PDE4B: variants seen among roughly 807,000 people sequenced by gnomAD.
PDE4B encodes 3',5'-cyclic-AMP phosphodiesterase 4B.
In PDE4B, 20 loss-of-function variants were observed where a neutral mutation model predicts 82.2. That is an observed-to-expected ratio of 0.24 (90% CI 0.17 to 0.35). The LOEUF is 0.35. Among genes scored for constraint, PDE4B ranks in the 10% least tolerant of loss-of-function variants. The pLI, the probability that PDE4B is intolerant of heterozygous loss-of-function variation, is 1.00. For synonymous variants in PDE4B, 320 were observed against 318.9 expected (o/e 1.00, Z -0.04); for missense variants, 655 against 907.2 (o/e 0.72, Z 3.57).
At chr1:66,223,044 G>T (rs1651126535) in intron 3 of PDE4B, among the ~76,000 whole-genome samples, 1 of 152,134 alleles carries the variant, frequency 6.6e-6, no homozygotes, top group Non-Finnish European at 1.5e-5. Context: ...TAACTCTAGT[G>T]TATATCCATT....
At chr1:65,795,926 T>C (rs931888171) in intron 1 of PDE4B, among the ~76,000 whole-genome samples, 2 of 152,208 alleles carry the variant, frequency 1.3e-5, no homozygotes, top group Admixed American at 1.3e-4. Flanking sequence ...TTTTAATCCA[T>C]TGGTCTTTTG....
intron 1 of PDE4B, among the ~76,000 whole-genome samples, chr1:65,899,024 A>G (rs1050024372): frequency 6.6e-6 from 1 of 152,174 alleles, no homozygotes; most frequent in African/African-American, 2.4e-5. Context: ...CAGAGTAAAC[A>G]GAAAACCTGC....
intron 3 of PDE4B, among the ~76,000 whole-genome samples, chr1:66,089,176 T>C (rs1644960166): frequency 6.6e-6 from 1 of 152,130 alleles, no homozygotes; most frequent in South Asian, 2.1e-4. Context: ...TCCAGTTTCT[T>C]CATTTTTGGA....
At chr1:65,909,045 G>A (rs1454667593) in intron 1 of PDE4B, among the ~76,000 whole-genome samples, 1 of 152,110 alleles carries the variant, frequency 6.6e-6, no homozygotes, top group Non-Finnish European at 1.5e-5. Context: ...ACAGTTATAC[G>A]ATGGGAGTTA....
intron 16 of PDE4B, among the ~76,000 whole-genome samples, chr1:66,371,678 C>T (rs938358559): frequency 2.6e-5 from 4 of 152,168 alleles, no homozygotes; most frequent in South Asian, 2.1e-4. Context: ...AGTATTTTCA[C>T]GTGTTTCATC....
At chr1:66,223,068 A>G (rs889577213) in intron 3 of PDE4B, among the ~76,000 whole-genome samples, 1 of 152,196 alleles carries the variant, frequency 6.6e-6, no homozygotes. Flanking sequence ...TGTTCACACA[A>G]TGTGTGCCAG....
chr1:65,904,497 A>G (rs1188918964), intron 1 of PDE4B, among the ~76,000 whole-genome samples: 1 of 152,130 alleles, frequency 6.6e-6, no homozygotes, highest in Non-Finnish European at 1.5e-5. Flanking sequence ...GTAGCTGTTC[A>G]TAGGCTCCAT....
intron 3 of PDE4B, among the ~76,000 whole-genome samples, chr1:65,931,722 T>C (rs2100518855): frequency 6.6e-6 from 1 of 152,184 alleles, no homozygotes; most frequent in Non-Finnish European, 1.5e-5. Context: ...CACAGGAAAA[T>C]TCAGGACACC....
intron 3 of PDE4B, among the ~76,000 whole-genome samples, chr1:65,985,076 AGACT>A (rs1650887400): frequency 1.3e-5 from 2 of 152,046 alleles, no homozygotes; most frequent in Admixed American, 1.3e-4. Flanking sequence ...TAAAATAAAC[AGACT>A]ATGTAGTGAA....
chr1:65,949,504 A>T (rs35130999), intron 3 of PDE4B, among the ~76,000 whole-genome samples: 50,727 of 151,694 alleles, frequency 0.33, 8,849 homozygotes, highest in East Asian at 0.46. Context: ...ATTGCAAAAC[A>T]CTCCCTAACA....
chr1:66,096,695 A>G (rs1645127692), intron 3 of PDE4B, among the ~76,000 whole-genome samples: 1 of 151,376 alleles, frequency 6.6e-6, no homozygotes, highest in Admixed American at 6.6e-5. Context: ...TTCAAATTAC[A>G]TATGTGACTG....
chr1:66,315,776 A>C (rs1054803095), intron 7 of PDE4B, among the ~76,000 whole-genome samples: 2 of 152,188 alleles, frequency 1.3e-5, no homozygotes, highest in African/African-American at 4.8e-5. Flanking sequence ...TTCAGTCCTT[A>C]CCATTAGCAA....
chr1:66,011,397 G>T (rs930555455), intron 3 of PDE4B, among the ~76,000 whole-genome samples: 1 of 151,980 alleles, frequency 6.6e-6, no homozygotes, highest in Non-Finnish European at 1.5e-5. Context: ...GAAATGAAAA[G>T]GACACTCATA....
At chr1:66,109,941 G>A (rs562679036) in intron 3 of PDE4B, among the ~76,000 whole-genome samples, 1 of 151,992 alleles carries the variant, frequency 6.6e-6, no homozygotes, top group Non-Finnish European at 1.5e-5. Context: ...AGGTGACTCA[G>A]TTCATTTCTG....
Position 66,305,313 on chromosome 1 carries a change from A to G in PDE4B, c.635-27195A>G, listed in dbSNP as rs1658191444. ...TATCTTTCCCTTCTGTGAAAATCCT[A>G]TTGAATATAGAATGTTGGAGAAGCA... On this transcript the variant is annotated intron_variant, in intron 7 of 16. Coordinates refer to ENST00000341517, the MANE Select transcript of PDE4B (RefSeq NM_002600.4). Among the ~76,000 whole-genome samples the G allele has an allele frequency of 1.3e-5, 2 of 152,154 alleles. 1 individual carries two copies. Among genetic ancestry groups the G allele is most frequent in the Non-Finnish European group, 2.9e-5 (2 of 68,018 alleles).
Position 65,833,286 on chromosome 1 carries a change from T to G in PDE4B, c.-71+40038T>G, listed in dbSNP as rs145565169. Among the ~76,000 whole-genome samples, 315 of 152,304 alleles carry G rather than the reference T, an allele frequency of 2.1e-3. 1 individual carries two copies. The highest frequency in any genetic ancestry group is 7.3e-3 in the African/African-American group (302 of 41,580). ...CAGAGATTCCCAGTATATAAAGAGA[T>G]AAATTATGCAACCGCTTTGTTAGAA... On this transcript the variant is annotated intron_variant, in intron 1 of 16. Transcript: ENST00000341517.
intron 7 of PDE4B, among the ~76,000 whole-genome samples, chr1:66,302,353 G>A (rs762342190): frequency 4.6e-5 from 7 of 152,112 alleles, no homozygotes; most frequent in Admixed American, 3.9e-4. Context: ...CACCACATAC[G>A]CTGTCTTGTT....
chr1:65,993,213 T>A (rs77015234), intron 3 of PDE4B: 2 of 1,167,432 alleles, frequency 1.7e-6, no homozygotes, highest in Non-Finnish European at 2.4e-6. Flanking sequence ...TCTAGCAGTG[T>A]AGAAAATGGA....
intron 3 of PDE4B, among the ~76,000 whole-genome samples, chr1:66,099,214 C>G (rs772271136): frequency 6.6e-6 from 1 of 151,960 alleles, no homozygotes; most frequent in Non-Finnish European, 1.5e-5. Context: ...TGAGAACATG[C>G]GGTGCTTGAT....
Sources: allele counts gnomAD v4.1 joint callset (sites outside exome capture counted in the v4.1 genomes callset), GRCh38; gene constraint gnomAD v4.1.1; transcripts MANE v1.5; gene names NCBI Gene and HGNC (gene_info 2026-07-23, HGNC 2026-07-21).